CSMD1: variants seen among roughly 807,000 people sequenced by gnomAD.
CSMD1 encodes the protein CUB and sushi domain-containing protein 1.
CSMD1 carries 213 observed loss-of-function variants against 417.5 expected under a neutral mutation model. That is an observed-to-expected ratio of 0.51 (90% CI 0.46 to 0.57). The LOEUF is 0.57. CSMD1 is among the 20% of genes least tolerant of loss of function. CSMD1 has a pLI of 0.00. For missense variants in CSMD1, 6,923 were observed against 4,529.7 expected, an observed-to-expected ratio of 1.53 and a Z score of -15.17; for synonymous variants, 2,862 against 1,736.8, an observed-to-expected ratio of 1.65 and a Z score of -16.11.
chr8:3,909,578 CA>C (rs1808325206), intron 5 of CSMD1, among the ~76,000 whole-genome samples: 1 of 152,054 alleles, frequency 6.6e-6, no homozygotes, highest in African/African-American at 2.4e-5. Flanking sequence ...CTTTTCGTGG[CA>C]TAGAGGGAAA....
At chr8:4,169,089 G>C (rs534422090) in intron 3 of CSMD1, among the ~76,000 whole-genome samples, 3 of 152,228 alleles carry the variant, frequency 2.0e-5, no homozygotes, top group African/African-American at 7.2e-5. Flanking sequence ...AAGCCTGCTG[G>C]CTTAGTCCTT....
chr8:3,905,013 T>G (rs1012980358), intron 5 of CSMD1, among the ~76,000 whole-genome samples: 6 of 152,122 alleles, frequency 3.9e-5, no homozygotes, highest in African/African-American at 1.4e-4. Flanking sequence ...TAGAATACTC[T>G]TCAGCTAGAA....
intron 7 of CSMD1, among the ~76,000 whole-genome samples, chr8:3,691,618 A>T (rs1419452507): frequency 6.6e-6 from 1 of 152,196 alleles, no homozygotes; most frequent in Non-Finnish European, 1.5e-5. Flanking sequence ...TAACAAAAAT[A>T]TATAACAACT....
chr8:4,433,300 T>A (rs1797973328), intron 2 of CSMD1, among the ~76,000 whole-genome samples: 1 of 152,182 alleles, frequency 6.6e-6, no homozygotes. Flanking sequence ...GTAGAAAAAC[T>A]GGCTTCCACG....
chr8:3,757,331 A>G (rs1310995973), intron 5 of CSMD1, among the ~76,000 whole-genome samples: 1 of 152,186 alleles, frequency 6.6e-6, no homozygotes, highest in African/African-American at 2.4e-5. Context: ...AAATTGTTCA[A>G]CTTTGCAGGT....
Position 3,406,047 on chromosome 8 carries a change from G to A in CSMD1, c.2246C>T (p.Ser749Phe), listed in dbSNP as rs566863786. 1 of 1,613,902 alleles carries A rather than the reference G, an allele frequency of 6.2e-7. No individual in the cohort carries two copies. The highest frequency in any genetic ancestry group is 8.5e-7 in the Non-Finnish European group (1 of 1,179,858). The change falls in exon 15 of 70, where the codon TCC (serine) becomes TTC (phenylalanine). Residue 749 changes from serine to phenylalanine, a missense_variant. Coordinates refer to ENST00000635120, the MANE Select transcript of CSMD1 (RefSeq NM_033225.6). The stretch of plus-strand genomic sequence containing the variant: ...TGCACCTTCACAGCGGGGCACGGTG[G>A]AGCTCCAGACCACGTTCCCGTCTTG... ...ILQDGNVVWS[S>F]TVPRCEAPCG...
At chr8:4,839,060 G>A (rs1031980829) in intron 1 of CSMD1, among the ~76,000 whole-genome samples, 7 of 152,090 alleles carry the variant, frequency 4.6e-5, no homozygotes, top group Non-Finnish European at 1.0e-4. Flanking sequence ...TTGCCTGTCT[G>A]CTTTGTATTT....
intron 2 of CSMD1, among the ~76,000 whole-genome samples, chr8:4,559,278 G>A (rs987135787): frequency 1.2e-4 from 18 of 152,216 alleles, no homozygotes; most frequent in African/African-American, 4.1e-4. Context: ...ACTTAAATGT[G>A]TAAATAATAA....
rs759268228 is a variant in CSMD1, at chr8:4,530,314, C to CTTTTTTTTTTTTT, written c.302+107015_302+107027dup. 1.7e-3 allele frequency among the ~76,000 whole-genome samples: 79 copies of CTTTTTTTTTTTTT among 46,688 alleles called. 14 individuals carry two copies. Among genetic ancestry groups the CTTTTTTTTTTTTT allele is most frequent in the Non-Finnish European group, 2.1e-3 (58 of 27,190 alleles). 30.6% of individuals were successfully genotyped at this position (46,688 alleles called of 152,430 possible). A position where few individuals can be genotyped will look rare whatever the true frequency, so the allele number is the denominator to read the frequency against. On this transcript the variant is annotated intron_variant, in intron 2 of 69. Transcript: ENST00000635120. ...TTCACAGTTTATCGTACAGGTAGTG[C>CTTTTTTTTTTTTT]TTTTTTTTTTTTTTTTTTTTTTTTT...
chr8:4,028,358 G>C (rs1454823727), intron 4 of CSMD1, among the ~76,000 whole-genome samples: 1 of 152,070 alleles, frequency 6.6e-6, no homozygotes, highest in Non-Finnish European at 1.5e-5. Flanking sequence ...GATTAAATTT[G>C]CTAAAGTAGT....
intron 3 of CSMD1, among the ~76,000 whole-genome samples, chr8:4,155,416 T>C (rs1268781150): frequency 6.6e-6 from 1 of 152,196 alleles, no homozygotes; most frequent in Non-Finnish European, 1.5e-5. Context: ...AAATCAGAAC[T>C]TGCCTCTGTT....
intron 18 of CSMD1, among the ~76,000 whole-genome samples, chr8:3,380,886 A>G (rs992357096): frequency 7.9e-5 from 12 of 151,886 alleles, no homozygotes; most frequent in Admixed American, 3.3e-4. Context: ...AACTTAAAGT[A>G]TAATGAAAAA....
intron 5 of CSMD1, among the ~76,000 whole-genome samples, chr8:3,831,240 T>A (rs988402262): frequency 6.6e-6 from 1 of 152,104 alleles, no homozygotes; most frequent in Non-Finnish European, 1.5e-5. Context: ...AAAAACAAAG[T>A]TTTGAGAGAA....
intron 2 of CSMD1, among the ~76,000 whole-genome samples, chr8:4,448,113 C>G (rs1798924527): frequency 6.6e-6 from 1 of 152,216 alleles, no homozygotes; most frequent in Non-Finnish European, 1.5e-5. Context: ...TTCTTGATCT[C>G]TTCCTAGTTC....
At chr8:4,917,548 C>G (rs1410305485) in intron 1 of CSMD1, among the ~76,000 whole-genome samples, 1 of 152,156 alleles carries the variant, frequency 6.6e-6, no homozygotes, top group African/African-American at 2.4e-5. Flanking sequence ...GCAGGAGAAT[C>G]GCTTGAACCC....
At chr8:4,477,430 C>G (rs1387723577) in intron 2 of CSMD1, among the ~76,000 whole-genome samples, 1 of 152,160 alleles carries the variant, frequency 6.6e-6, no homozygotes, top group African/African-American at 2.4e-5. Context: ...TTGGGGGGCT[C>G]AGAAACTGAG....
chr8:4,957,291 G>C (rs887531288), intron 1 of CSMD1, among the ~76,000 whole-genome samples: 2 of 152,074 alleles, frequency 1.3e-5, no homozygotes, highest in African/African-American at 2.4e-5. Context: ...CCCACACAAA[G>C]GGCAAAGCCC....
intron 12 of CSMD1, among the ~76,000 whole-genome samples, chr8:3,436,024 G>A (rs1354710221): frequency 6.6e-6 from 1 of 152,072 alleles, no homozygotes; most frequent in Admixed American, 6.6e-5. Flanking sequence ...CTACCCAGGT[G>A]GGCAGCTCCC....
intron 2 of CSMD1, among the ~76,000 whole-genome samples, chr8:4,501,290 T>C (rs973872608): frequency 6.6e-6 from 1 of 152,138 alleles, no homozygotes; most frequent in Non-Finnish European, 1.5e-5. Flanking sequence ...AACAGGATGC[T>C]TAAAAACATG....
Sources: gnomAD v4.1 joint callset for allele counts (sites outside exome capture counted in the v4.1 genomes callset) on GRCh38, gnomAD v4.1.1 for gene constraint, MANE v1.5 for transcripts, NCBI Gene and HGNC (gene_info 2026-07-23, HGNC 2026-07-21) for gene names.